Variants in NPAS3 observed in about 807,000 individuals in gnomAD.
NPAS3 encodes the protein neuronal PAS domain protein 3, also known as neuronal PAS domain-containing protein 3.
Under a neutral mutation model 73.1 loss-of-function variants are expected in NPAS3, and 14 were observed. That is an observed-to-expected ratio of 0.19 (90% CI 0.13 to 0.30). The LOEUF (loss-of-function observed/expected upper bound fraction) is 0.30. NPAS3 is among the 10% of genes least tolerant of loss of function. NPAS3 has a pLI of 1.00. For synonymous variants in NPAS3, 620 were observed against 541.5 expected (o/e 1.14, Z -2.01); for missense variants, 1,096 against 1,250.0 (o/e 0.88, Z 1.86).
intron 1 of NPAS3, among the ~76,000 whole-genome samples, chr14:33,052,170 G>A (rs2040734533): frequency 2.6e-5 from 4 of 152,182 alleles, no homozygotes; most frequent in Admixed American, 2.0e-4. Context: ...GTATAAGAAA[G>A]TACCATCCCC....
At chr14:33,074,639 A>G (rs1261767212) in intron 2 of NPAS3, among the ~76,000 whole-genome samples, 1 of 151,730 alleles carries the variant, frequency 6.6e-6, no homozygotes, top group Non-Finnish European at 1.5e-5. Flanking sequence ...CTGATGTGGA[A>G]CTCCCTATCT....
At chr14:33,089,240 A>G (rs577489490) in intron 2 of NPAS3, among the ~76,000 whole-genome samples, 1 of 152,320 alleles carries the variant, frequency 6.6e-6, no homozygotes, top group East Asian at 1.9e-4. Flanking sequence ...CAAAGAAGCT[A>G]AAAGCTTTGA....
intron 3 of NPAS3, among the ~76,000 whole-genome samples, chr14:33,267,158 T>C (rs951002236): frequency 2.6e-5 from 4 of 152,202 alleles, no homozygotes; most frequent in Non-Finnish European, 5.9e-5. Context: ...ATGCCACAAT[T>C]CACATTGTAT....
rs988648208 is a variant in NPAS3, at chr14:33,316,799, A to G, written c.386-50387A>G. Among the ~76,000 whole-genome samples the G allele has an allele frequency of 3.9e-5, 6 of 152,236 alleles. 1 individual carries two copies. The South Asian group carries it at 1.0e-3, about 26-fold the overall frequency. ...AGTTGTGTGCTCTCCAATCTAAAACAGGAATCCCCTCTTTAGTACCCCCAG... is the reference window on the plus strand; with the variant it reads ...AGTTGTGTGCTCTCCAATCTAAAACGGGAATCCCCTCTTTAGTACCCCCAG... On this transcript the variant is annotated intron_variant, in intron 3 of 11. Coordinates refer to ENST00000356141, the Ensembl canonical transcript of NPAS3.
At chr14:33,615,146 C>T (rs948601687) in intron 5 of NPAS3, among the ~76,000 whole-genome samples, 5 of 151,994 alleles carry the variant, frequency 3.3e-5, no homozygotes, top group African/African-American at 1.2e-4. Context: ...CACCATGGCC[C>T]GCGGATTAGG....
chr14:33,680,836 C>G (rs1417684512), intron 6 of NPAS3: 1 of 557,362 alleles, frequency 1.8e-6, no homozygotes, highest in Non-Finnish European at 3.2e-6. Context: ...GCATGGCTAA[C>G]CCATTGGTTG....
intron 5 of NPAS3, among the ~76,000 whole-genome samples, chr14:33,602,485 AC>A (rs1315925747): frequency 1.3e-5 from 2 of 152,188 alleles, no homozygotes; most frequent in East Asian, 3.9e-4. Context: ...AGCACTAGGA[AC>A]GATACTTTAC....
At chr14:33,256,385 TTA>T (rs1187733256) in intron 3 of NPAS3, among the ~76,000 whole-genome samples, 1 of 152,212 alleles carries the variant, frequency 6.6e-6, no homozygotes, top group Non-Finnish European at 1.5e-5. Flanking sequence ...TGGATTGTAA[TTA>T]TTTTGATTGA....
At chr14:32,966,697 G>T (rs1476285715) in intron 1 of NPAS3, among the ~76,000 whole-genome samples, 40 of 86,762 alleles carry the variant, frequency 4.6e-4, no homozygotes, top group African/African-American at 2.0e-3. Context: ...GTGAACCCGG[G>T]AAGCGGAGCT....
chr14:32,954,232 G>A (rs8020550), intron 1 of NPAS3, among the ~76,000 whole-genome samples: 3,788 of 152,204 alleles, frequency 0.025, 149 homozygotes, highest in African/African-American at 0.086. Flanking sequence ...AGTAGTGGAT[G>A]GGTCCTAATG....
At chr14:33,749,678 G>A (rs1353695788) in intron 7 of NPAS3, among the ~76,000 whole-genome samples, 1 of 152,102 alleles carries the variant, frequency 6.6e-6, no homozygotes, top group Non-Finnish European at 1.5e-5. Flanking sequence ...AAGCTCTGTG[G>A]ATTTGATCTC....
intron 9 of NPAS3, among the ~76,000 whole-genome samples, chr14:33,792,703 G>C (rs112758082): frequency 2.6e-5 from 4 of 152,308 alleles, no homozygotes; most frequent in African/African-American, 9.6e-5. Flanking sequence ...GGCTTGTTCT[G>C]GTTTAGAGCA....
intron 3 of NPAS3, among the ~76,000 whole-genome samples, chr14:33,364,528 G>C (rs942489784): frequency 9.9e-5 from 15 of 152,110 alleles, no homozygotes; most frequent in African/African-American, 3.4e-4. Flanking sequence ...TATAAATCAA[G>C]AGAAGTTCCA....
chr14:33,138,228 C>A lies in NPAS3; in HGVS notation c.141-76954C>A, dbSNP rs1308584349. ...CCTCCCCCCACCTCACAACAGGCCC[C>A]GGTGTGTGATGTTCCCCTTCCTGAG... On this transcript the variant is annotated intron_variant, in intron 2 of 11. Coordinates refer to ENST00000356141, the Ensembl canonical transcript of NPAS3. Among the ~76,000 whole-genome samples, 5 of 147,908 alleles carry A rather than the reference C, an allele frequency of 3.4e-5. No individual in the cohort carries two copies. In the East Asian group the frequency reaches 9.9e-4, roughly 29 times the overall value.
intron 5 of NPAS3, among the ~76,000 whole-genome samples, chr14:33,623,580 C>T (rs1382398673): frequency 1.3e-5 from 2 of 152,208 alleles, no homozygotes; most frequent in Admixed American, 1.3e-4. Flanking sequence ...ACCCAACAAC[C>T]ACGATGGTCC....
chr14:32,977,344 T>C (rs1016784920), intron 1 of NPAS3, among the ~76,000 whole-genome samples: 1 of 37,588 alleles, frequency 2.7e-5, no homozygotes, highest in African/African-American at 6.5e-5. Flanking sequence ...CTACGAGTTT[T>C]GTCTCTGACA....
intron 3 of NPAS3, among the ~76,000 whole-genome samples, chr14:33,221,287 T>C (rs553200880): frequency 6.6e-6 from 1 of 152,234 alleles, no homozygotes; most frequent in Admixed American, 6.5e-5. Flanking sequence ...TCAGAGCAGA[T>C]CACGTGGCAC....
intron 4 of NPAS3, among the ~76,000 whole-genome samples, chr14:33,482,309 A>C (rs2051369333): frequency 6.6e-6 from 1 of 152,128 alleles, no homozygotes; most frequent in Non-Finnish European, 1.5e-5. Context: ...TGGCCCTATA[A>C]ATGCTTGTAT....
intron 4 of NPAS3, among the ~76,000 whole-genome samples, chr14:33,391,160 CA>C (rs995823627): frequency 7.0e-6 from 1 of 143,060 alleles, no homozygotes; most frequent in Non-Finnish European, 1.5e-5. Flanking sequence ...GACATTTAAA[CA>C]AAAATCCTCA....
Sources: allele counts gnomAD v4.1 joint callset (sites outside exome capture counted in the v4.1 genomes callset), GRCh38; gene constraint gnomAD v4.1.1; transcripts MANE v1.5; gene names NCBI Gene and HGNC (gene_info 2026-07-23, HGNC 2026-07-21).